Variants in FREM1 observed in about 807,000 individuals in gnomAD.
FREM1 encodes FRAS1-related extracellular matrix protein 1.
In FREM1, 220 loss-of-function variants were observed where a neutral mutation model predicts 210.1. The ratio of observed to expected loss-of-function variants is 1.05; its 90% CI spans 0.94 to 1.17. FREM1 has a LOEUF of 1.17. Among genes scored for constraint, FREM1 ranks in the 50% most tolerant of loss-of-function variants. The pLI is 0.00. For missense variants in FREM1, 3,454 were observed against 2,675.5 expected (o/e 1.29, Z -6.42); for synonymous variants, 1,189 against 980.2 (o/e 1.21, Z -3.98).
chr9:14,881,162 A>G (rs554941053), intron 1 of FREM1, among the ~76,000 whole-genome samples: 4 of 152,208 alleles, frequency 2.6e-5, no homozygotes, highest in Non-Finnish European at 5.9e-5. Context: ...CACTCAGCCA[A>G]CAGCTGAAAC....
At chr9:14,781,815 T>C (rs1310036026) in intron 24 of FREM1, among the ~76,000 whole-genome samples, 1 of 152,214 alleles carries the variant, frequency 6.6e-6, no homozygotes, top group Admixed American at 6.5e-5. Flanking sequence ...GCAATTCTCT[T>C]GCCACAGCCT....
chr9:14,877,449 T>TTTTTTTTTTTTTTTTTTTTGA (rs1335221889), intron 1 of FREM1, among the ~76,000 whole-genome samples: 1 of 150,984 alleles, frequency 6.6e-6, no homozygotes, highest in African/African-American at 2.4e-5. Flanking sequence ...TGTTTCTTTA[T>TTTTTTTTTTTTTTTTTTTTGA]GGTAGACAGA....
At chr9:14,754,607 G>A (rs1469691109) in intron 29 of FREM1, among the ~76,000 whole-genome samples, 3 of 152,048 alleles carry the variant, frequency 2.0e-5, no homozygotes, top group Non-Finnish European at 4.4e-5. Context: ...GAATAAGGTG[G>A]GCTCCTCATC....
chr9:14,805,894 A>C (rs931728609), intron 18 of FREM1, among the ~76,000 whole-genome samples: 17 of 152,202 alleles, frequency 1.1e-4, no homozygotes, highest in African/African-American at 4.1e-4. Flanking sequence ...TTTTGGCTTT[A>C]AAATTAATGT....
intron 10 of FREM1, among the ~76,000 whole-genome samples, chr9:14,825,434 G>A (rs1822163217): frequency 6.7e-6 from 1 of 148,444 alleles, no homozygotes; most frequent in Admixed American, 6.7e-5. Context: ...GTTGCAGTGG[G>A]CTGAGATCAC....
At chr9:14,776,952 T>G (rs1848695950) in intron 24 of FREM1, among the ~76,000 whole-genome samples, 1 of 152,232 alleles carries the variant, frequency 6.6e-6, no homozygotes, top group Non-Finnish European at 1.5e-5. Flanking sequence ...AAGGATTATT[T>G]TCCTGCTTCA....
intron 30 of FREM1, 142 bp downstream of exon 30, chr9:14,749,985 C>A (rs1843068691): frequency 1.2e-6 from 1 of 800,784 alleles, no homozygotes; most frequent in Non-Finnish European, 2.1e-6. Context: ...GAATAAAGGG[C>A]CTACATCACG....
intron 8 of FREM1, 34 bp downstream of exon 8, chr9:14,845,926 A>T (rs766184711): frequency 1.2e-6 from 2 of 1,610,292 alleles, no homozygotes; most frequent in Non-Finnish European, 1.7e-6. Flanking sequence ...ATACTTTTGG[A>T]TTCTTTGCTA....
intron 5 of FREM1, among the ~76,000 whole-genome samples, chr9:14,856,049 C>T (rs1828677987): frequency 1.3e-5 from 2 of 152,106 alleles, no homozygotes; most frequent in Non-Finnish European, 2.9e-5. Context: ...TAAACCCAGC[C>T]TGGTTTTGCA....
At chr9:14,819,593 C>T (rs551755177) in intron 13 of FREM1, among the ~76,000 whole-genome samples, 151 bp from the exon 14 acceptor site, 1 of 152,308 alleles carries the variant, frequency 6.6e-6, no homozygotes, top group Non-Finnish European at 1.5e-5. Context: ...CATAGCTAGA[C>T]ATTTTGACTG....
intron 36 of FREM1, among the ~76,000 whole-genome samples, chr9:14,738,827 T>C (rs1050403895): frequency 6.6e-5 from 10 of 151,828 alleles, no homozygotes; most frequent in Non-Finnish European, 1.3e-4. Flanking sequence ...CTGGCCAACA[T>C]GGTGAAACCC....
chr9:14,818,017 T>C (rs1820612586), intron 14 of FREM1, among the ~76,000 whole-genome samples: 1 of 152,256 alleles, frequency 6.6e-6, no homozygotes, highest in African/African-American at 2.4e-5. Flanking sequence ...TTTCAAAATC[T>C]GACCCCTCCA....
At chr9:14,831,920 G>A (rs1823633091) in intron 10 of FREM1, among the ~76,000 whole-genome samples, 1 of 152,172 alleles carries the variant, frequency 6.6e-6, no homozygotes, top group African/African-American at 2.4e-5. Context: ...AAGAGCGACG[G>A]ACAGAGAATA....
rs530520798 is a variant in FREM1 at position 14,823,236 on chromosome 9, C to A, written c.2261G>T (p.Ser754Ile). Residue 754 changes from serine to isoleucine, a missense_variant, in exon 13 of 37, where the codon AGT becomes ATT. Coordinates refer to ENST00000380880, the MANE Select transcript of FREM1 (RefSeq NM_001379081.2). ...CRDVQFTFSV[S>I]NQHGGTLHGI... ...ATGCAAAGTACCGCCATGTTGGTTA[C>A]TGACAGAAAATGTGAACTGGACATC... 2 of 1,613,896 alleles carry A rather than the reference C, an allele frequency of 1.2e-6. No homozygotes were observed. The highest frequency in any genetic ancestry group is 2.2e-5 in the South Asian group (2 of 91,078).
At position 14,842,430 on chromosome 9, in the gene FREM1, C is replaced by A. The variant is rs758916275; in HGVS notation, c.1624G>T (p.Gly542Ter). ...ACATCTGAAGCTCGCAGCATGGATC[C>A]CTGGATCAGGATGGTCTGCCCCTCC... ...LEEGQTILIQ[G>*]SMLRASDVDA... The change falls in exon 9 of 37, where the codon GGA (glycine) becomes TGA (stop). Residue 542 changes from glycine (G) to a stop codon, truncating the protein, a stop_gained. Coordinates refer to ENST00000380880, the MANE Select transcript of FREM1 (RefSeq NM_001379081.2). LOFTEE classifies it high-confidence loss of function. The A allele has an allele frequency of 3.7e-6, 6 of 1,613,928 alleles. 1 individual carries two copies. The South Asian group carries it at 6.6e-5, about 18-fold the overall frequency.
At chr9:14,792,944 A>ATATTATATT in intron 21 of FREM1, 60 bp from the exon 22 acceptor site, 1 of 1,091,580 alleles carries the variant, frequency 9.2e-7, no homozygotes, top group Non-Finnish European at 1.3e-6. Context: ...TTAGTAGGGG[A>ATATTATATT]CACTTATATT....
At chr9:14,861,638 C>A (rs891850237) in intron 3 of FREM1, among the ~76,000 whole-genome samples, 1 of 151,236 alleles carries the variant, frequency 6.6e-6, no homozygotes, top group African/African-American at 2.4e-5. Flanking sequence ...TCCCGAATAG[C>A]TGGGACTACA....
intron 1 of FREM1, among the ~76,000 whole-genome samples, chr9:14,887,953 A>C (rs1398582471): frequency 4.7e-4 from 71 of 152,134 alleles, no homozygotes; most frequent in Non-Finnish European, 3.8e-4. Context: ...GCTCGCCACC[A>C]TGCCCAGCTA....
intron 20 of FREM1, among the ~76,000 whole-genome samples, chr9:14,800,118 G>C (rs1257263334): frequency 6.6e-6 from 1 of 151,864 alleles, no homozygotes; most frequent in Non-Finnish European, 1.5e-5. Flanking sequence ...AAAACCTTTG[G>C]GGCAGAAAGC....
Sources: gnomAD v4.1 joint callset for allele counts (sites outside exome capture counted in the v4.1 genomes callset) on GRCh38, gnomAD v4.1.1 for gene constraint, MANE v1.5 for transcripts, NCBI Gene and HGNC (gene_info 2026-07-23, HGNC 2026-07-21) for gene names.